Variants in JPH2 observed in about 807,000 individuals in gnomAD.
JPH2 encodes junctophilin 2, also known as junctophilin-2.
JPH2 carries 38 observed loss-of-function variants against 55.9 expected under a neutral mutation model. The ratio of observed to expected loss-of-function variants is 0.68; its 90% CI spans 0.52 to 0.89. The LOEUF is 0.89. Ranked by LOEUF, JPH2 falls within the 40% of genes least tolerant of loss-of-function variation. JPH2 has a pLI of 0.00. For synonymous variants in JPH2, 480 were observed against 472.4 expected, an observed-to-expected ratio of 1.02 and a Z score of -0.21; for missense variants, 964 against 1,037.6, an observed-to-expected ratio of 0.93 and a Z score of 0.97.
chr20:44,180,451 C>T (rs2072772063), intron 1 of JPH2, among the ~76,000 whole-genome samples: 2 of 152,022 alleles, frequency 1.3e-5, no homozygotes, highest in Admixed American at 1.3e-4. Flanking sequence ...CCCACCTTAG[C>T]CTCTCAAGTA....
In JPH2 at chr20:44,160,502, G is replaced by T; in HGVS notation, c.380-95C>A. 1 of 1,349,710 alleles carries T rather than the reference G, an allele frequency of 7.4e-7. No homozygotes were observed. The allele number at this position is 1,349,710 out of a possible 1,614,324, so 83.6% of individuals were successfully genotyped here. A position where few individuals can be genotyped will look rare whatever the true frequency, so the allele number is the denominator to read the frequency against. On this transcript the variant is annotated intron_variant, in intron 1 of 5. Transcript: ENST00000372980. This position sits in a 1 kb window ranked among gnomAD's most constrained non-coding sequence, Gnocchi z 4.9. ...GGGCAAGGGCGGGAGTGGGCAAGGCGGGGTGGGACCGAGAGGCGCAAGGCC... is the reference window on the plus strand; with the variant it reads ...GGGCAAGGGCGGGAGTGGGCAAGGCTGGGTGGGACCGAGAGGCGCAAGGCC...
intron 3 of JPH2, among the ~76,000 whole-genome samples, chr20:44,116,848 G>C: frequency 6.6e-6 from 1 of 152,236 alleles, no homozygotes; most frequent in East Asian, 1.9e-4. Context: ...ACCAGCAGGG[G>C]GAGCGCTGTG....
At chr20:44,169,979 C>G (rs1356562081) in intron 1 of JPH2, among the ~76,000 whole-genome samples, 1 of 152,188 alleles carries the variant, frequency 6.6e-6, no homozygotes, top group Non-Finnish European at 1.5e-5. Context: ...TGACCTTGGA[C>G]TGCCTAGCCT....
At chr20:44,185,747 C>A (rs1317345172) in intron 1 of JPH2, among the ~76,000 whole-genome samples, 2 of 148,496 alleles carry the variant, frequency 1.3e-5, no homozygotes, top group Non-Finnish European at 3.0e-5. Flanking sequence ...GTATGAATGG[C>A]TGGATGGGTA....
At chr20:44,166,681 G>A (rs6031432) in intron 1 of JPH2, among the ~76,000 whole-genome samples, 126,123 of 152,106 alleles carry the variant, frequency 0.83, 52,336 homozygotes, top group South Asian at 0.86. Flanking sequence ...GGGAAAAACC[G>A]ACTCCTGAGG....
intron 2 of JPH2, among the ~76,000 whole-genome samples, chr20:44,147,087 CA>C (rs1416950895): frequency 1.3e-5 from 2 of 152,196 alleles, no homozygotes; most frequent in African/African-American, 4.8e-5. Context: ...TGAATTCACT[CA>C]GGGGTACTGT....
intron 2 of JPH2, among the ~76,000 whole-genome samples, chr20:44,124,448 T>C (rs910869579): frequency 2.6e-5 from 4 of 152,104 alleles, no homozygotes; most frequent in African/African-American, 9.7e-5. Flanking sequence ...TAATACAACT[T>C]TATGGAGTGC....
At chr20:44,185,575 CA>C (rs565464332) in intron 1 of JPH2, among the ~76,000 whole-genome samples, 125 of 151,084 alleles carry the variant, frequency 8.3e-4, no homozygotes, top group Middle Eastern at 6.8e-3. Flanking sequence ...ATCAAGGCTG[CA>C]AAGAGCCGAG....
At chr20:44,133,179 CTTG>C (rs2072336758) in intron 2 of JPH2, among the ~76,000 whole-genome samples, 1 of 141,584 alleles carries the variant, frequency 7.1e-6, no homozygotes, top group African/African-American at 2.7e-5. Flanking sequence ...CTTAACATAC[CTTG>C]TTAATTTTTC....
chr20:44,128,419 C>T (rs374949973), intron 2 of JPH2, among the ~76,000 whole-genome samples: 177 of 152,166 alleles, frequency 1.2e-3, no homozygotes, highest in African/African-American at 4.0e-3. Context: ...CAGACATGGC[C>T]CCTGCTCTTG....
In JPH2 at chr20:44,113,021, G is replaced by A. The variant is rs762897380; in HGVS notation, c.*497C>T. ...CAAGGACAGGTCTCTGTGCTGGTCT[G>A]AGGGGGTCTCAACACCCACCCCACC... On this transcript the variant is annotated 3_prime_UTR_variant, in exon 6 of 6. Transcript: ENST00000372980. 6 of 152,286 alleles carry A rather than the reference G, an allele frequency of 3.9e-5. No individual in the cohort carries two copies. The highest frequency in any genetic ancestry group is 1.4e-4 in the African/African-American group (6 of 41,450). 9.4% of individuals were successfully genotyped at this position (152,286 alleles called of 1,614,324 possible).
At chr20:44,137,607 C>T (rs2072423498) in intron 2 of JPH2, among the ~76,000 whole-genome samples, 1 of 152,222 alleles carries the variant, frequency 6.6e-6, no homozygotes, top group Non-Finnish European at 1.5e-5. Context: ...GAAGAAGCCA[C>T]CAGGCGGGGC....
In JPH2 at chr20:44,143,647, C is replaced by T. The variant is rs1333767234; in HGVS notation, c.1169+15971G>A. ...GCTCCCCGCTCACGCCCTCTCAGCTCCTCCCTCCTGGCATCACCTACCAGT... is the reference window on the plus strand; with the variant it reads ...GCTCCCCGCTCACGCCCTCTCAGCTTCTCCCTCCTGGCATCACCTACCAGT... On this transcript the variant is annotated intron_variant, in intron 2 of 5. Transcript: ENST00000372980. Among the ~76,000 whole-genome samples, 3 of 152,238 alleles carry T rather than the reference C, an allele frequency of 2.0e-5. No individual in the cohort carries two copies. In the East Asian group the frequency reaches 5.8e-4, roughly 29 times the overall value.
chr20:44,135,484 C>A (rs1001759342), intron 2 of JPH2, among the ~76,000 whole-genome samples: 4 of 152,128 alleles, frequency 2.6e-5, no homozygotes, highest in African/African-American at 7.2e-5. Context: ...TCCTACTCAT[C>A]CTTCAGGACC....
In JPH2 at chr20:44,106,862, G is replaced by A. The variant is rs919059768; in HGVS notation, c.*6656C>T. Among the ~76,000 whole-genome samples, 14 of 152,090 alleles carry A rather than the reference G, an allele frequency of 9.2e-5. No individual in the cohort carries two copies. Among genetic ancestry groups the A allele is most frequent in the African/African-American group, 3.1e-4 (13 of 41,422 alleles). Reference sequence around the variant, plus strand: ...ACGTGTGGGTGGGAATTTAAGATGAGATTTGGGTGAGAACACAGCCAAACC... The same window carrying A: ...ACGTGTGGGTGGGAATTTAAGATGAAATTTGGGTGAGAACACAGCCAAACC... On this transcript the variant is annotated 3_prime_UTR_variant, in exon 6 of 6. Coordinates refer to ENST00000372980, the MANE Select transcript of JPH2 (RefSeq NM_020433.5).
Position 44,108,464 on chromosome 20 carries a change from C to A in JPH2, c.*5054G>T, listed in dbSNP as rs1212601722. Among the ~76,000 whole-genome samples, 2 of 152,026 alleles carry A rather than the reference C, an allele frequency of 1.3e-5. No homozygotes were observed. The highest frequency in any genetic ancestry group is 6.6e-5 in the Admixed American group (1 of 15,260). Reference sequence around the variant, plus strand: ...GCCCTGGAGATCCCCAAACTTGTATCTGGGGTCTGAAGGGAGAGGGGGAGA... The same window carrying A: ...GCCCTGGAGATCCCCAAACTTGTATATGGGGTCTGAAGGGAGAGGGGGAGA... On this transcript the variant is annotated 3_prime_UTR_variant, in exon 6 of 6. Coordinates refer to ENST00000372980, the MANE Select transcript of JPH2 (RefSeq NM_020433.5).
intron 2 of JPH2, among the ~76,000 whole-genome samples, chr20:44,127,634 C>T (rs545236824): frequency 2.6e-5 from 4 of 151,742 alleles, no homozygotes; most frequent in Non-Finnish European, 5.9e-5. Flanking sequence ...TACAGGCACC[C>T]GACACCATGC....
intron 2 of JPH2, among the ~76,000 whole-genome samples, chr20:44,121,929 C>T (rs1332587695): frequency 6.6e-6 from 1 of 151,972 alleles, no homozygotes; most frequent in Non-Finnish European, 1.5e-5. Context: ...CCCAGGAGAT[C>T]GAGGCTGCAG....
At chr20:44,178,102 A>T in intron 1 of JPH2, 1 of 749,142 alleles carries the variant, frequency 1.3e-6, no homozygotes, top group Non-Finnish European at 2.5e-6. Context: ...CTTAAATATC[A>T]CATGTCTTCC....
Sources: gnomAD v4.1 joint callset for allele counts (sites outside exome capture counted in the v4.1 genomes callset) on GRCh38, gnomAD v4.1.1 for gene constraint, Gnocchi (gnomAD v3.1) non-coding constraint, MANE v1.5 for transcripts, NCBI Gene and HGNC (gene_info 2026-07-23, HGNC 2026-07-21) for gene names.